Variants in SYCE1 observed in about 807,000 individuals in gnomAD.
SYCE1 encodes the protein synaptonemal complex central element protein 1.
Under a neutral mutation model 55.1 loss-of-function variants are expected in SYCE1, and 37 were observed. The observed-to-expected ratio is 0.67, with a 90% CI of 0.52 to 0.88. The LOEUF (loss-of-function observed/expected upper bound fraction) is 0.88, where lower values mean the gene tolerates loss of function less well. Among genes scored for constraint, SYCE1 ranks in the 40% least tolerant of loss-of-function variants. SYCE1 has a pLI of 0.00. For missense variants in SYCE1, 399 were observed against 416.4 expected (o/e 0.96, Z 0.36); for synonymous variants, 163 against 159.4 (o/e 1.02, Z -0.17).
chr10:133,568,238 C>T (rs1247192273), upstream of SYCE1: 1 of 1,396,614 alleles, frequency 7.2e-7, no homozygotes, highest in African/African-American at 1.4e-5. Flanking sequence ...ACCCAGTCCT[C>T]CTCGTCCTCC....
chr10:133,554,318 G>C (rs1271974404), downstream of SYCE1: 1 of 1,614,026 alleles, frequency 6.2e-7, no homozygotes, highest in Admixed American at 1.7e-5. Flanking sequence ...TGGTCTACCT[G>C]GTCTGGGAGC....
intron 3 of SYCE1, 85 bp downstream of exon 3, chr10:133,559,216 C>T: frequency 6.9e-7 from 1 of 1,451,042 alleles, no homozygotes. Context: ...AACTTTGGAA[C>T]AAGGGACCCT....
chr10:133,558,132 AG>A (rs765142984), intron 5 of SYCE1, 34 bp downstream of exon 5: 3 of 1,613,870 alleles, frequency 1.9e-6, no homozygotes, highest in Non-Finnish European at 2.5e-6. Flanking sequence ...GGGTTGGCAA[AG>A]GCACAAGCCT....
In SYCE1 at chr10:133,564,095, G is replaced by A. The variant is rs1184501462; in HGVS notation, c.73+1362C>T. Reference sequence around the variant, plus strand: ...TTGTGCCCCCATCCATAGTTCGTATGTTGAAATCCTAACCCCCTAGTGTGA... The same window carrying A: ...TTGTGCCCCCATCCATAGTTCGTATATTGAAATCCTAACCCCCTAGTGTGA... On this transcript the variant is annotated intron_variant, in intron 1 of 12. Transcript: ENST00000343131. Among the ~76,000 whole-genome samples, 3 of 152,236 alleles carry A rather than the reference G, an allele frequency of 2.0e-5. No homozygotes were observed. The East Asian group carries it at 5.8e-4, about 29-fold the overall frequency.
chr10:133,563,414 G>T (rs1851859383), intron 1 of SYCE1, among the ~76,000 whole-genome samples: 1 of 152,164 alleles, frequency 6.6e-6, no homozygotes, highest in African/African-American at 2.4e-5. Flanking sequence ...CAGGCTCAGT[G>T]GTTCACATCC....
intron 7 of SYCE1, 73 bp from the exon 8 acceptor site, chr10:133,556,895 TTCTTCAGG>T (rs1447453245): frequency 6.3e-7 from 1 of 1,578,048 alleles, no homozygotes; most frequent in Non-Finnish European, 8.7e-7. Flanking sequence ...AAGTCTGTGG[TTCTTCAGG>T]CAGATTTTGG....
At position 133,556,011 on chromosome 10, in the gene SYCE1, C is replaced by G. The variant is rs1364754014; in HGVS notation, c.565G>C (p.Asp189His). Residue 189 changes from aspartate (D) to histidine (H), a missense_variant, in exon 9 of 13, where the codon GAC becomes CAC. Coordinates refer to ENST00000343131, the MANE Select transcript of SYCE1 (RefSeq NM_001143764.3). Reference sequence around the variant, plus strand: ...TTGAGCAGCTGCTCCTTGCTGCTGTCCAGGGCACAAATCTCCTTTGCCAGC... The same window carrying G: ...TTGAGCAGCTGCTCCTTGCTGCTGTGCAGGGCACAAATCTCCTTTGCCAGC... ...ERLAKEICAL[D>H]SSKEQLLKEE... 6.2e-7 allele frequency: 1 copy of G among 1,614,124 alleles called. No individual in the cohort carries two copies. Among genetic ancestry groups the G allele is most frequent in the South Asian group, 1.1e-5 (1 of 91,078 alleles).
At chr10:133,568,034 A>T, upstream of SYCE1, 1 of 618,114 alleles carries the variant, frequency 1.6e-6, no homozygotes, top group Non-Finnish European at 3.0e-6. Flanking sequence ...CCCAGGCCGG[A>T]GGATCCTGGG....
At chr10:133,567,215 G>C (rs1324935268), upstream of SYCE1, among the ~76,000 whole-genome samples, 2 of 151,698 alleles carry the variant, frequency 1.3e-5, no homozygotes, top group East Asian at 3.9e-4. Flanking sequence ...TTAGGGTTAG[G>C]GGTTTGTGTC....
intron 1 of SYCE1, among the ~76,000 whole-genome samples, chr10:133,562,965 T>C (rs1851848589): frequency 1.5e-5 from 1 of 67,190 alleles, no homozygotes; most frequent in Non-Finnish European, 5.5e-5. Flanking sequence ...CCAAACCATA[T>C]CACAGGCCAA....
intron 8 of SYCE1, chr10:133,556,490 G>A (rs1007266710): frequency 3.4e-5 from 19 of 551,670 alleles, no homozygotes; most frequent in Non-Finnish European, 4.9e-5. Flanking sequence ...GCTTATCCTC[G>A]TTGTCTCCTT....
chr10:133,555,296 C>T, intron 12 of SYCE1, 55 bp downstream of exon 12: 5 of 1,608,766 alleles, frequency 3.1e-6, no homozygotes, highest in Non-Finnish European at 4.3e-6. Context: ...CCCGCCCCTT[C>T]CGCTGTCCCT....
At chr10:133,563,689 C>CAAA (rs10659883) in intron 1 of SYCE1, among the ~76,000 whole-genome samples, 1,773 of 142,422 alleles carry the variant, frequency 0.012, 38 homozygotes, top group East Asian at 0.085. Flanking sequence ...AATCTCGTCT[C>CAAA]AAAAAAAAAA....
At chr10:133,566,077 G>A (rs529358991), upstream of SYCE1, among the ~76,000 whole-genome samples, 25 of 152,344 alleles carry the variant, frequency 1.6e-4, no homozygotes, top group African/African-American at 5.3e-4. Flanking sequence ...CCCCTAGGCC[G>A]CGTTCCCGTG....
chr10:133,565,924 A>G (rs777863870), upstream of SYCE1, among the ~76,000 whole-genome samples: 1 of 152,202 alleles, frequency 6.6e-6, no homozygotes, highest in Non-Finnish European at 1.5e-5. Context: ...CGACTCCACA[A>G]GGCGCTGTGG....
Position 133,556,807 on chromosome 10 carries a change from T to C in SYCE1, c.480A>G (p.Glu160=), listed in dbSNP as rs1283775092. ...GCTGGCCCATCAGATCTTCCAGCTG[T>C]TCCTCGAATGCCAACCTGGGAACCA... The part of the protein sequence containing the change: ...KQRQLRLAFE[E]QLEDLMGQHK... The change falls in exon 8 of 13, where the codon GAA becomes GAG. Residue 160 remains glutamate (E), a synonymous_variant. Transcript: ENST00000343131. The C allele has an allele frequency of 5.1e-6, 8 of 1,582,200 alleles. No individual in the cohort carries two copies. In the East Asian group the frequency reaches 1.9e-4, roughly 37 times the overall value.
chr10:133,561,703 A>C lies in SYCE1; in HGVS notation c.74-1550T>G, dbSNP rs998608548. Among the ~76,000 whole-genome samples, 15 of 152,144 alleles carry C rather than the reference A, an allele frequency of 9.9e-5. 1 individual carries two copies. The highest frequency in any genetic ancestry group is 6.5e-5 in the Admixed American group (1 of 15,280). On this transcript the variant is annotated intron_variant, in intron 1 of 12. Transcript: ENST00000343131. The stretch of plus-strand genomic sequence containing the variant: ...GGTCTTAATTTTTCCTTATCATTAG[A>C]GTGTCCAGTAACCATACAAGTTGTG...
chr10:133,558,850 C>A (rs1440781882), intron 4 of SYCE1, 27 bp downstream of exon 4: 1 of 1,611,916 alleles, frequency 6.2e-7, no homozygotes, highest in Admixed American at 1.7e-5. Flanking sequence ...ACTGTGGGGA[C>A]CTCTGGGTGA....
chr10:133,555,150 G>C, intron 12 of SYCE1, 21 bp from the exon 13 acceptor site: 1 of 1,540,780 alleles, frequency 6.5e-7, no homozygotes, highest in Non-Finnish European at 8.7e-7. Context: ...TTAGTGTCCA[G>C]GGTGGGAATT....
Sources: gnomAD v4.1 joint callset for allele counts (sites outside exome capture counted in the v4.1 genomes callset) on GRCh38, gnomAD v4.1.1 for gene constraint, MANE v1.5 for transcripts, NCBI Gene and HGNC (gene_info 2026-07-23, HGNC 2026-07-21) for gene names.